The following ADAMTS19 variants were observed in gnomAD, a reference collection of about 807,000 sequenced individuals.
The protein encoded by ADAMTS19 is ADAM metallopeptidase with thrombospondin type 1 motif 19, also known as A disintegrin and metalloproteinase with thrombospondin motifs 19.
ADAMTS19 carries 93 observed loss-of-function variants against 153.3 expected under a neutral mutation model. The ratio of observed to expected loss-of-function variants is 0.61; its 90% CI spans 0.51 to 0.72. The LOEUF is 0.72. ADAMTS19 is among the 30% of genes least tolerant of loss of function. ADAMTS19 has a pLI of 0.00. For missense variants in ADAMTS19, 1,482 were observed against 1,552.1 expected (o/e 0.95, Z 0.76); for synonymous variants, 600 against 556.6 (o/e 1.08, Z -1.10).
chr5:129,541,037 T>G (rs986447832), intron 6 of ADAMTS19, among the ~76,000 whole-genome samples: 3 of 152,078 alleles, frequency 2.0e-5, no homozygotes, highest in Admixed American at 1.3e-4. Context: ...TACTTTGGTC[T>G]TCTGCAAAGA....
Position 129,714,412 on chromosome 5 carries a change from C to A in ADAMTS19, c.3312+10021C>A, listed in dbSNP as rs182737265. On this transcript the variant is annotated intron_variant, in intron 21 of 22. Transcript: ENST00000274487. ...CCGCAGTCCGGCCTGGGCGACAGAGCGAGACTCCGTCTCAAAAAAAAAAAA... is the reference window on the plus strand; with the variant it reads ...CCGCAGTCCGGCCTGGGCGACAGAGAGAGACTCCGTCTCAAAAAAAAAAAA... Among the ~76,000 whole-genome samples, 540 of 115,004 alleles carry A rather than the reference C, an allele frequency of 4.7e-3. 3 individuals are homozygous for A. The highest frequency in any genetic ancestry group is 0.018 in the African/African-American group (512 of 28,128). 75.4% of individuals were successfully genotyped at this position (115,004 alleles called of 152,430 possible). A position where few individuals can be genotyped will look rare whatever the true frequency, so the allele number is the denominator to read the frequency against.
At chr5:129,492,363 TG>T (rs1219229396) in intron 2 of ADAMTS19, among the ~76,000 whole-genome samples, 1 of 152,124 alleles carries the variant, frequency 6.6e-6, no homozygotes, top group Non-Finnish European at 1.5e-5. Flanking sequence ...GAGATTTGGG[TG>T]GAGACACAGA....
intron 7 of ADAMTS19, among the ~76,000 whole-genome samples, chr5:129,594,697 TTATC>T (rs1035030249): frequency 2.0e-3 from 306 of 152,238 alleles, no homozygotes; most frequent in African/African-American, 7.2e-3. Context: ...AAAATTCATG[TTATC>T]TTTTATGTTT....
At chr5:129,468,862 C>T (rs576722732) in intron 2 of ADAMTS19, among the ~76,000 whole-genome samples, 3 of 151,508 alleles carry the variant, frequency 2.0e-5, no homozygotes, top group South Asian at 4.2e-4. Flanking sequence ...CTGCAACCTC[C>T]GTCTCCTGGG....
At chr5:129,721,829 A>ACTTATGAGT (rs143947427) in intron 21 of ADAMTS19, among the ~76,000 whole-genome samples, 1,940 of 151,950 alleles carry the variant, frequency 0.013, 34 homozygotes, top group African/African-American at 0.043. Flanking sequence ...TTCAGCTCCC[A>ACTTATGAGT]CTTATGAGTC....
At chr5:129,517,314 A>T (rs1751647867) in intron 3 of ADAMTS19, among the ~76,000 whole-genome samples, 1 of 151,996 alleles carries the variant, frequency 6.6e-6, no homozygotes, top group Admixed American at 6.6e-5. Context: ...CCTATAGTGC[A>T]GATTAAATCT....
At chr5:129,677,740 T>C (rs998209367) in intron 16 of ADAMTS19, among the ~76,000 whole-genome samples, 6 of 152,160 alleles carry the variant, frequency 3.9e-5, no homozygotes, top group African/African-American at 1.4e-4. Flanking sequence ...TTATATCTTA[T>C]CTTCCCTGTG....
In ADAMTS19 at chr5:129,622,302, G is replaced by A; in HGVS notation, c.1724G>A (p.Cys575Tyr). ...ATGACATACACTGCTGATGAACAAT[G>A]CCAGATCCTTTTTGGGCCATTGGCT... is the stretch of plus-strand genomic sequence containing the variant. Reference protein sequence around the residue: ...PGMTYTADEQCQILFGPLASF... With the variant: ...PGMTYTADEQYQILFGPLASF... Residue 575 changes from cysteine to tyrosine, a missense_variant, in exon 10 of 23, where the codon TGC (cysteine) becomes TAC (tyrosine). This residue lies in a region of ADAMTS19 where 866 missense variants were observed against 827.7 expected (regional missense o/e 1.05). Transcript: ENST00000274487. 6.2e-7 allele frequency: 1 copy of A among 1,614,076 alleles called. No individual in the cohort carries two copies.
chr5:129,724,464 T>A (rs1306912849), intron 21 of ADAMTS19, among the ~76,000 whole-genome samples: 1 of 152,112 alleles, frequency 6.6e-6, no homozygotes, highest in Non-Finnish European at 1.5e-5. Flanking sequence ...TCTTGTCTCC[T>A]CAGAAGAAAG....
chr5:129,703,801 G>A (rs953713490), intron 20 of ADAMTS19, among the ~76,000 whole-genome samples: 1 of 152,046 alleles, frequency 6.6e-6, no homozygotes, highest in Non-Finnish European at 1.5e-5. Flanking sequence ...CATGTTTTTT[G>A]AGAAGTGACA....
At chr5:129,680,761 C>CAAAA (rs529460608) in intron 17 of ADAMTS19, among the ~76,000 whole-genome samples, 25 of 90,734 alleles carry the variant, frequency 2.8e-4, no homozygotes, top group African/African-American at 6.7e-4. Flanking sequence ...GACTCTGTCT[C>CAAAA]AAAAAAAAAA....
intron 8 of ADAMTS19, among the ~76,000 whole-genome samples, chr5:129,597,907 AAAAAAAG>A (rs1750459130): frequency 2.0e-5 from 3 of 151,404 alleles, no homozygotes; most frequent in South Asian, 4.2e-4. Flanking sequence ...TCTCAAAAAA[AAAAAAAG>A]AAAAAAAGAA....
chr5:129,735,158 A>C, intron 22 of ADAMTS19, 49 bp downstream of exon 22: 1 of 1,462,238 alleles, frequency 6.8e-7, no homozygotes, highest in Non-Finnish European at 9.1e-7. Flanking sequence ...AGAAATGCTT[A>C]TGGCTTCTTG....
intron 7 of ADAMTS19, among the ~76,000 whole-genome samples, chr5:129,578,107 T>A (rs958307011): frequency 3.0e-5 from 4 of 132,020 alleles, no homozygotes; most frequent in African/African-American, 1.1e-4. Flanking sequence ...CATATACATA[T>A]GCATGTATAT....
intron 17 of ADAMTS19, among the ~76,000 whole-genome samples, chr5:129,681,640 C>G (rs1004380815): frequency 6.6e-6 from 1 of 152,126 alleles, no homozygotes; most frequent in Non-Finnish European, 1.5e-5. Context: ...GTATTAGTCA[C>G]TCTTCTATGC....
chr5:129,704,695 T>C (rs1441527236), intron 21 of ADAMTS19, among the ~76,000 whole-genome samples: 1 of 152,172 alleles, frequency 6.6e-6, no homozygotes, highest in Non-Finnish European at 1.5e-5. Flanking sequence ...TATTGTTGCA[T>C]AAAACTATCT....
chr5:129,512,317 A>G (rs900396297), intron 3 of ADAMTS19, among the ~76,000 whole-genome samples: 1 of 152,026 alleles, frequency 6.6e-6, no homozygotes. Flanking sequence ...GATTATTGTC[A>G]ATCTGTGGAG....
chr5:129,612,867 A>G (rs902857472), intron 8 of ADAMTS19, among the ~76,000 whole-genome samples: 6 of 152,180 alleles, frequency 3.9e-5, no homozygotes, highest in African/African-American at 9.6e-5. Context: ...ATGGAAAACA[A>G]AAAAGGCAGG....
chr5:129,709,163 G>C (rs1561662451), intron 21 of ADAMTS19, among the ~76,000 whole-genome samples: 1 of 152,044 alleles, frequency 6.6e-6, no homozygotes, highest in Admixed American at 6.6e-5. Flanking sequence ...TACTTATCTA[G>C]ATACCTGCTT....
Sources: allele counts gnomAD v4.1 joint callset (sites outside exome capture counted in the v4.1 genomes callset), GRCh38; gene constraint gnomAD v4.1.1; regional missense constraint gnomAD v4.1.1; transcripts MANE v1.5; gene names NCBI Gene and HGNC (gene_info 2026-07-23, HGNC 2026-07-21).